The following SHC4 variants were observed in gnomAD, a reference collection of about 807,000 sequenced individuals.
SHC4 encodes SHC-transforming protein 4.
In SHC4, 41 loss-of-function variants were observed where a neutral mutation model predicts 69.4. The ratio of observed to expected loss-of-function variants is 0.59; its 90% CI spans 0.46 to 0.77. SHC4 has a LOEUF of 0.77. SHC4 is among the 30% of genes least tolerant of loss of function. The pLI is 0.00. For missense variants in SHC4, 777 were observed against 783.8 expected, an observed-to-expected ratio of 0.99 and a Z score of 0.10; for synonymous variants, 318 against 299.3, an observed-to-expected ratio of 1.06 and a Z score of -0.64.
chr15:48,886,709 T>C (rs16961806), intron 3 of SHC4, among the ~76,000 whole-genome samples: 4,147 of 152,316 alleles, frequency 0.027, 266 homozygotes, highest in East Asian at 0.15. Context: ...TGGAAATGCA[T>C]AGTATACAGC....
chr15:48,883,254 C>T (rs150966332), intron 4 of SHC4, among the ~76,000 whole-genome samples: 33 of 152,220 alleles, frequency 2.2e-4, no homozygotes, highest in African/African-American at 7.9e-4. Context: ...ATTTAATCCT[C>T]TAAACAGCCC....
At chr15:48,938,140 G>A (rs556179954) in intron 1 of SHC4, 4 of 152,252 alleles carry the variant, frequency 2.6e-5, no homozygotes, top group Admixed American at 1.3e-4. Context: ...CTGGTTCTCC[G>A]AAATGAAAAT....
chr15:48,844,426 G>A (rs1379045080), intron 9 of SHC4, among the ~76,000 whole-genome samples: 4 of 151,884 alleles, frequency 2.6e-5, no homozygotes, highest in Non-Finnish European at 5.9e-5. Context: ...GCCTCTGTCT[G>A]GGGTCACACT....
chr15:48,856,581 A>T (rs1899320402), intron 7 of SHC4, among the ~76,000 whole-genome samples: 2 of 152,160 alleles, frequency 1.3e-5, no homozygotes, highest in South Asian at 4.1e-4. Flanking sequence ...GAAAAAAAAA[A>T]TAAGAGAGCT....
In SHC4 at chr15:48,824,484, A is replaced by T. The variant is rs1339955865; in HGVS notation, c.*1487T>A. 1 of 152,078 alleles carries T rather than the reference A, an allele frequency of 6.6e-6. No individual in the cohort carries two copies. Among genetic ancestry groups the T allele is most frequent in the East Asian group, 1.9e-4 (1 of 5,202 alleles). The allele number at this position is 152,078 out of a possible 1,614,324, so 9.4% of individuals were successfully genotyped here. On this transcript the variant is annotated 3_prime_UTR_variant, in exon 12 of 12. Transcript: ENST00000332408. ...GACATAAGTAGTTTTCTGCTACTCAAACCAAATCCACTTTTATCATCATTC... is the reference window on the plus strand; with the variant it reads ...GACATAAGTAGTTTTCTGCTACTCATACCAAATCCACTTTTATCATCATTC...
intron 10 of SHC4, among the ~76,000 whole-genome samples, chr15:48,837,994 C>G (rs1248120590): frequency 6.6e-6 from 1 of 152,100 alleles, no homozygotes; most frequent in African/African-American, 2.4e-5. Flanking sequence ...TTTAAAAGCA[C>G]CTGTATACAA....
At chr15:48,867,225 C>T (rs920441241) in intron 6 of SHC4, among the ~76,000 whole-genome samples, 3 of 152,102 alleles carry the variant, frequency 2.0e-5, no homozygotes, top group Non-Finnish European at 4.4e-5. Context: ...ATTACTTTTG[C>T]ACTAACCTAT....
At chr15:48,937,923 T>C (rs1268727999) in intron 1 of SHC4, among the ~76,000 whole-genome samples, 1 of 152,232 alleles carries the variant, frequency 6.6e-6, no homozygotes, top group Non-Finnish European at 1.5e-5. Flanking sequence ...GGCCTTGTAT[T>C]TTATATTCAA....
At chr15:48,958,176 GA>G in intron 1 of SHC4, among the ~76,000 whole-genome samples, 1 of 152,220 alleles carries the variant, frequency 6.6e-6, no homozygotes, top group East Asian at 1.9e-4. Flanking sequence ...GGGCTGAAGT[GA>G]AGAGACTGAA....
At chr15:48,937,067 T>C (rs1901084882) in intron 1 of SHC4, among the ~76,000 whole-genome samples, 1 of 152,220 alleles carries the variant, frequency 6.6e-6, no homozygotes, top group South Asian at 2.1e-4. Flanking sequence ...CACAAATGGC[T>C]CTTTCTGCTG....
intron 1 of SHC4, among the ~76,000 whole-genome samples, chr15:48,946,366 A>G (rs1017166434): frequency 3.3e-5 from 5 of 152,154 alleles, no homozygotes; most frequent in African/African-American, 1.2e-4. Context: ...TGTGCACATT[A>G]TGCTTCCTGG....
chr15:48,949,994 ATAT>A (rs1488449091), intron 1 of SHC4, among the ~76,000 whole-genome samples: 1 of 142,564 alleles, frequency 7.0e-6, no homozygotes, highest in Non-Finnish European at 1.5e-5. Context: ...ATAAAATAAT[ATAT>A]TAATATTATT....
intron 1 of SHC4, among the ~76,000 whole-genome samples, chr15:48,953,228 G>A (rs1197928718): frequency 6.6e-6 from 1 of 152,146 alleles, no homozygotes; most frequent in Non-Finnish European, 1.5e-5. Flanking sequence ...AGAACGCATG[G>A]ACATATAGAG....
intron 3 of SHC4, among the ~76,000 whole-genome samples, chr15:48,889,616 A>G (rs1220652770): frequency 6.6e-6 from 1 of 152,228 alleles, no homozygotes; most frequent in Non-Finnish European, 1.5e-5. Flanking sequence ...AGGCCGAGGC[A>G]GGCGGATCAT....
chr15:48,926,061 G>A (rs959196033), intron 1 of SHC4, among the ~76,000 whole-genome samples: 1 of 152,148 alleles, frequency 6.6e-6, no homozygotes, highest in Non-Finnish European at 1.5e-5. Context: ...TGGTTTGGGA[G>A]CTGTTGACTT....
chr15:48,907,944 G>A (rs1900439823), intron 2 of SHC4, among the ~76,000 whole-genome samples: 1 of 151,806 alleles, frequency 6.6e-6, no homozygotes, highest in Admixed American at 6.6e-5. Context: ...CAGTTGTGCT[G>A]CTATAAACCT....
intron 10 of SHC4, among the ~76,000 whole-genome samples, chr15:48,835,841 T>C (rs1898888213): frequency 6.6e-6 from 1 of 151,970 alleles, no homozygotes; most frequent in African/African-American, 2.4e-5. Context: ...TTATATACAT[T>C]ATGTTGTTTA....
chr15:48,960,905 A>G (rs1901536191), intron 1 of SHC4, among the ~76,000 whole-genome samples: 1 of 152,066 alleles, frequency 6.6e-6, no homozygotes, highest in Non-Finnish European at 1.5e-5. Flanking sequence ...ACAACCCTCC[A>G]TCAATAATCA....
chr15:48,950,818 G>A (rs145064542), intron 1 of SHC4, among the ~76,000 whole-genome samples: 48 of 152,246 alleles, frequency 3.2e-4, no homozygotes, highest in African/African-American at 9.6e-4. Flanking sequence ...TGCTTGGGTC[G>A]CGATGGTTGG....
Sources: gnomAD v4.1 joint callset for allele counts (sites outside exome capture counted in the v4.1 genomes callset) on GRCh38, gnomAD v4.1.1 for gene constraint, MANE v1.5 for transcripts, NCBI Gene and HGNC (gene_info 2026-07-23, HGNC 2026-07-21) for gene names.